The following NBAS variants were observed in gnomAD, a reference collection of about 807,000 sequenced individuals.
NBAS encodes NAG/BC035112 fusion.
In NBAS, 219 loss-of-function variants were observed where a neutral mutation model predicts 302.5. The ratio of observed to expected loss-of-function variants is 0.72; its 90% CI spans 0.65 to 0.81. The LOEUF (loss-of-function observed/expected upper bound fraction) is 0.81. Among genes scored for constraint, NBAS ranks in the 30% least tolerant of loss-of-function variants. The pLI is 0.00. For missense variants in NBAS, 2,932 were observed against 2,841.6 expected (o/e 1.03, Z -0.72); for synonymous variants, 1,118 against 1,021.6 (o/e 1.09, Z -1.80).
the NBAS span, among the ~76,000 whole-genome samples, chr2:15,091,293 A>AGTTGACCCTCGAACAACACG: frequency 0.87 from 132,688 of 151,974 alleles, 58,125 homozygotes; most frequent in Non-Finnish European, 0.91. Context: ...CACTTCATAC[A>AGTTGACCCTCGAACAACACG]GTTTGAACTG....
chr2:15,114,976 A>G, the NBAS span, among the ~76,000 whole-genome samples: 1 of 152,206 alleles, frequency 6.6e-6, no homozygotes, highest in Non-Finnish European at 1.5e-5. Context: ...AACTACTTAC[A>G]TATGTTTGTA....
Position 15,294,907 on chromosome 2 carries a change from A to G in NBAS, c.4798-2141T>C, listed in dbSNP as rs186931515. Among the ~76,000 whole-genome samples the G allele has an allele frequency of 1.1e-4, 16 of 152,252 alleles. No individual in the cohort carries two copies. The East Asian group carries it at 3.1e-3, about 29-fold the overall frequency. ...TTTCAGACTGAAGTTTTCAGCCTGA[A>G]CTTGCTGAATATACCTTGAAGGAAA... On this transcript the variant is annotated intron_variant, in intron 40 of 51. Coordinates refer to ENST00000281513, the MANE Select transcript of NBAS (RefSeq NM_015909.4).
chr2:15,171,508 T>A (rs1664289080), intron 51 of NBAS, among the ~76,000 whole-genome samples: 1 of 152,248 alleles, frequency 6.6e-6, no homozygotes, highest in Non-Finnish European at 1.5e-5. Flanking sequence ...TTATTTGACT[T>A]CTATAAATAT....
At chr2:15,028,262 C>T in the NBAS span, among the ~76,000 whole-genome samples, 120 of 152,258 alleles carry the variant, frequency 7.9e-4, no homozygotes, top group East Asian at 0.022. Context: ...GAATAAGAAT[C>T]GTCTGGGTAA....
the NBAS span, among the ~76,000 whole-genome samples, chr2:14,875,978 C>G: frequency 1.3e-5 from 2 of 152,174 alleles, no homozygotes; most frequent in African/African-American, 2.4e-5. Flanking sequence ...TTTGATTGAG[C>G]CCTCCAGGAT....
intron 48 of NBAS, among the ~76,000 whole-genome samples, chr2:15,214,430 A>C (rs1666561806): frequency 6.6e-6 from 1 of 152,220 alleles, no homozygotes. Context: ...AGAAAAGGAA[A>C]CATTTAAGCT....
intron 30 of NBAS, among the ~76,000 whole-genome samples, chr2:15,378,185 C>A (rs1263962063): frequency 6.6e-6 from 1 of 152,068 alleles, no homozygotes; most frequent in East Asian, 1.9e-4. Context: ...TGTCAGTTGC[C>A]TTGAGGCGGA....
chr2:15,209,903 G>T (rs188817784), intron 48 of NBAS, among the ~76,000 whole-genome samples: 2 of 152,128 alleles, frequency 1.3e-5, no homozygotes. Context: ...AATGCTGCTA[G>T]GAAAACTGGA....
At chr2:15,212,577 T>C (rs1447979940) in intron 48 of NBAS, among the ~76,000 whole-genome samples, 1 of 152,190 alleles carries the variant, frequency 6.6e-6, no homozygotes, top group Non-Finnish European at 1.5e-5. Context: ...CAGTACCTGA[T>C]ATGTTTGGCT....
At chr2:14,997,481 G>C in the NBAS span, among the ~76,000 whole-genome samples, 1 of 149,252 alleles carries the variant, frequency 6.7e-6, no homozygotes, top group East Asian at 2.0e-4. Flanking sequence ...TTTTCCCCAA[G>C]CTTTATTGAG....
chr2:14,887,474 A>G, the NBAS span, among the ~76,000 whole-genome samples: 1 of 151,232 alleles, frequency 6.6e-6, no homozygotes, highest in Non-Finnish European at 1.5e-5. Context: ...GAAGCCTATG[A>G]GAAATACGAG....
At chr2:14,996,057 G>T in the NBAS span, among the ~76,000 whole-genome samples, 1 of 152,006 alleles carries the variant, frequency 6.6e-6, no homozygotes, top group Non-Finnish European at 1.5e-5. Flanking sequence ...CGTCCCTGTT[G>T]TCTTCCTTTG....
the NBAS span, among the ~76,000 whole-genome samples, chr2:14,886,348 G>A: frequency 6.6e-6 from 1 of 152,142 alleles, no homozygotes; most frequent in Non-Finnish European, 1.5e-5. Context: ...CCAGAAATGT[G>A]TTTCCCTTCC....
the NBAS span, among the ~76,000 whole-genome samples, chr2:14,968,206 C>A: frequency 2.0e-5 from 3 of 152,106 alleles, no homozygotes; most frequent in Admixed American, 2.0e-4. Flanking sequence ...TAAGGGGGCC[C>A]CATTCCACTT....
intron 21 of NBAS, among the ~76,000 whole-genome samples, chr2:15,435,561 T>TCCAG (rs1677969548): frequency 6.6e-6 from 1 of 152,192 alleles, no homozygotes; most frequent in Admixed American, 6.5e-5. Flanking sequence ...AAGCAACTTG[T>TCCAG]CCAGGGTCAA....
At position 15,292,526 on chromosome 2, in the gene NBAS, G is replaced by T. The variant is rs374867950; in HGVS notation, c.5027+11C>A. 7.6e-5 allele frequency: 122 copies of T among 1,612,354 alleles called. No individual in the cohort carries two copies. The highest frequency in any genetic ancestry group is 4.9e-4 in the Middle Eastern group (3 of 6,082). ...AATCCATCCCCTTATGAAACAAAGGGTATCACTTACTCTGCCAGACCAAGG... is the reference window on the plus strand; with the variant it reads ...AATCCATCCCCTTATGAAACAAAGGTTATCACTTACTCTGCCAGACCAAGG... On this transcript the variant is annotated intron_variant, in intron 41 of 51. Transcript: ENST00000281513.
the NBAS span, among the ~76,000 whole-genome samples, chr2:14,994,353 A>C: frequency 1.3e-5 from 2 of 152,192 alleles, no homozygotes; most frequent in South Asian, 4.1e-4. Flanking sequence ...AGAGAGGAGG[A>C]GGTAGAATTA....
chr2:15,471,312 T>A (rs1679947488), intron 16 of NBAS, among the ~76,000 whole-genome samples: 1 of 152,238 alleles, frequency 6.6e-6, no homozygotes, highest in South Asian at 2.1e-4. Flanking sequence ...TTACCTCTCA[T>A]GCTCTTTCAC....
At chr2:15,525,100 C>T (rs1212417051) in intron 9 of NBAS, among the ~76,000 whole-genome samples, 1 of 152,186 alleles carries the variant, frequency 6.6e-6, no homozygotes, top group Admixed American at 6.5e-5. Flanking sequence ...AAATGACCGT[C>T]CAGTTTCTGA....
Sources: allele counts gnomAD v4.1 joint callset (sites outside exome capture counted in the v4.1 genomes callset), GRCh38; gene constraint gnomAD v4.1.1; transcripts MANE v1.5; gene names NCBI Gene and HGNC (gene_info 2026-07-23, HGNC 2026-07-21).